The following TRAM2 variants were observed in gnomAD, a reference collection of about 807,000 sequenced individuals.
TRAM2 encodes translocating chain-associated membrane protein 2.
Under a neutral mutation model 51.0 loss-of-function variants are expected in TRAM2, and 12 were observed. The ratio of observed to expected loss-of-function variants is 0.24; its 90% CI spans 0.15 to 0.38. The LOEUF (loss-of-function observed/expected upper bound fraction) is 0.38, where lower values mean the gene tolerates loss of function less well. TRAM2 is among the 10% of genes least tolerant of loss of function. TRAM2 has a pLI of 1.00. For synonymous variants in TRAM2, 175 were observed against 179.4 expected, an observed-to-expected ratio of 0.98 and a Z score of 0.20; for missense variants, 361 against 462.0, an observed-to-expected ratio of 0.78 and a Z score of 2.00.
rs76166033 is a variant in TRAM2, at chr6:52,505,295, A to G, written c.875+304T>C. Among the ~76,000 whole-genome samples the G allele has an allele frequency of 1.1e-3, 160 of 152,332 alleles. 1 individual carries two copies. Among genetic ancestry groups the G allele is most frequent in the African/African-American group, 3.7e-3 (155 of 41,572 alleles). On this transcript the variant is annotated intron_variant, in intron 9 of 10. Coordinates refer to ENST00000182527, the MANE Select transcript of TRAM2 (RefSeq NM_012288.4). The stretch of plus-strand genomic sequence containing the variant: ...GGTTTTAAAGCACCCACACACAAGA[A>G]GAGGAGAATGATATCAACTGAGAGA...
At chr6:52,561,484 T>C (rs1298155973) in intron 1 of TRAM2, among the ~76,000 whole-genome samples, 2 of 131,980 alleles carry the variant, frequency 1.5e-5, no homozygotes, top group African/African-American at 2.6e-5. Flanking sequence ...GGAGTTTCTT[T>C]TTCTTTTTTT....
At chr6:52,563,609 C>T (rs1387054352) in intron 1 of TRAM2, among the ~76,000 whole-genome samples, 4 of 146,812 alleles carry the variant, frequency 2.7e-5, no homozygotes, top group Non-Finnish European at 5.9e-5. Context: ...GTCCCAGCTA[C>T]TCAGGAGGCT....
chr6:52,507,335 C>T (rs1171346213), intron 7 of TRAM2, among the ~76,000 whole-genome samples: 1 of 152,228 alleles, frequency 6.6e-6, no homozygotes, highest in Non-Finnish European at 1.5e-5. Context: ...TCATCACTCT[C>T]AACTGTCCTT....
In TRAM2 at chr6:52,504,644, C is replaced by T. The variant is rs773242168; in HGVS notation, c.986G>A (p.Arg329Gln). The T allele has an allele frequency of 4.5e-5, 72 of 1,613,870 alleles. 2 individuals carry two copies. Among genetic ancestry groups the T allele is most frequent in the South Asian group, 5.5e-5 (5 of 91,074 alleles). Reference protein sequence around the residue: ...REYWNEQSAKRRVPATPRLPA... With the variant: ...REYWNEQSAKQRVPATPRLPA... The stretch of plus-strand genomic sequence containing the variant: ...TAGTCTGGGTGTGGCTGGGACTCTC[C>T]GCTTTGCACTCTGCTCATTCCAGTA... The change falls in exon 10 of 11, where the codon CGG becomes CAG. Residue 329 changes from arginine (R) to glutamine (Q), a missense_variant. Physicochemically the swap from Arg to Gln is conservative, Grantham distance 43. Transcript: ENST00000182527.
chr6:52,503,375 G>A lies in TRAM2; in HGVS notation c.1040-105C>T, dbSNP rs1766277735. 18 of 1,004,402 alleles carry A rather than the reference G, an allele frequency of 1.8e-5. No homozygotes were observed. In the Admixed American group the frequency reaches 3.1e-4, roughly 17 times the overall value. The allele number at this position is 1,004,402 out of a possible 1,614,324, so 62.2% of individuals were successfully genotyped here. On this transcript the variant is annotated intron_variant, in intron 10 of 10. Transcript: ENST00000182527. ...AGGAAGGGGCCCGGGCAGCCCAGCT[G>A]CTATACATGGATGCACCAAAGGGGC...
chr6:52,547,151 T>G (rs928068757), intron 1 of TRAM2, among the ~76,000 whole-genome samples: 1 of 150,692 alleles, frequency 6.6e-6, no homozygotes, highest in African/African-American at 2.4e-5. Flanking sequence ...TAGAGAGGAG[T>G]GGACAGTCAG....
At chr6:52,544,353 C>G (rs1273624116) in intron 1 of TRAM2, among the ~76,000 whole-genome samples, 1 of 152,106 alleles carries the variant, frequency 6.6e-6, no homozygotes, top group Non-Finnish European at 1.5e-5. Context: ...AGTTTCCATA[C>G]TACCCCTACT....
At chr6:52,509,237 G>C (rs1458184159) in intron 5 of TRAM2, among the ~76,000 whole-genome samples, 3 of 152,180 alleles carry the variant, frequency 2.0e-5, no homozygotes, top group African/African-American at 7.2e-5. Context: ...CAAGAAGGTA[G>C]AAACCCAGAG....
chr6:52,570,792 A>G (rs867920266), intron 1 of TRAM2, among the ~76,000 whole-genome samples: 2 of 32,902 alleles, frequency 6.1e-5, no homozygotes, highest in Non-Finnish European at 1.2e-4. Context: ...CTCCCTGCCC[A>G]CCACCCCCCC....
At chr6:52,562,081 C>CA (rs112727282) in intron 1 of TRAM2, among the ~76,000 whole-genome samples, 39,777 of 144,218 alleles carry the variant, frequency 0.28, 7,585 homozygotes, top group African/African-American at 0.52. Context: ...TTTAAAAATG[C>CA]AAAAAAAAAA....
intron 1 of TRAM2, among the ~76,000 whole-genome samples, chr6:52,561,416 G>C (rs1437899188): frequency 6.6e-6 from 1 of 152,026 alleles, no homozygotes; most frequent in Non-Finnish European, 1.5e-5. Context: ...CCAAGTAGCT[G>C]GTACTACAGG....
chr6:52,539,049 G>A (rs189230188), intron 1 of TRAM2, among the ~76,000 whole-genome samples: 4 of 152,224 alleles, frequency 2.6e-5, no homozygotes, highest in South Asian at 2.1e-4. Context: ...GGCCAACAGC[G>A]CCATAACTCA....
At chr6:52,533,302 A>G (rs1285109634) in intron 2 of TRAM2, among the ~76,000 whole-genome samples, 1 of 152,222 alleles carries the variant, frequency 6.6e-6, no homozygotes, top group Non-Finnish European at 1.5e-5. Context: ...AAATCAGTAA[A>G]TCTTGAGTAC....
At chr6:52,557,206 A>G (rs1767426411) in intron 1 of TRAM2, among the ~76,000 whole-genome samples, 1 of 152,044 alleles carries the variant, frequency 6.6e-6, no homozygotes, top group African/African-American at 2.4e-5. Flanking sequence ...AAAAAAAGAT[A>G]TGTCTGGTGA....
At chr6:52,510,884 T>TA (rs1581869815) in intron 4 of TRAM2, among the ~76,000 whole-genome samples, 1 of 152,054 alleles carries the variant, frequency 6.6e-6, no homozygotes, top group East Asian at 1.9e-4. Flanking sequence ...TGGGAAGAAA[T>TA]AATCTACCAC....
At chr6:52,521,538 CAAA>C in intron 2 of TRAM2, among the ~76,000 whole-genome samples, 1 of 149,300 alleles carries the variant, frequency 6.7e-6, no homozygotes, top group Non-Finnish European at 1.5e-5. Flanking sequence ...ACTAAAAATA[CAAA>C]AAAAAATTAG....
chr6:52,546,380 C>T (rs1581695309), intron 1 of TRAM2, among the ~76,000 whole-genome samples: 1 of 152,240 alleles, frequency 6.6e-6, no homozygotes, highest in East Asian at 1.9e-4. Context: ...CAGGGGACAA[C>T]CCAAGGTGAT....
chr6:52,506,088 C>A lies in TRAM2; in HGVS notation c.675G>T (p.Glu225Asp). The A allele has an allele frequency of 6.2e-7, 1 of 1,614,182 alleles. No individual in the cohort carries two copies. Among genetic ancestry groups the A allele is most frequent in the Non-Finnish European group, 8.5e-7 (1 of 1,180,034 alleles). ...LILLLLQYST[E>D]FLFHTARLFY... The stretch of plus-strand genomic sequence containing the variant: ...AGAGTCTAGCCGTGTGGAAGAGGAA[C>A]TCAGTTGAGTACTGCAGCAGCAGCA... The change falls in exon 8 of 11, where the codon GAG (glutamate) becomes GAT (aspartate). Residue 225 changes from glutamate to aspartate, a missense_variant. Coordinates refer to ENST00000182527, the MANE Select transcript of TRAM2 (RefSeq NM_012288.4).
chr6:52,562,143 G>GA (rs1282166978), intron 1 of TRAM2, among the ~76,000 whole-genome samples: 1 of 151,978 alleles, frequency 6.6e-6, no homozygotes, highest in Non-Finnish European at 1.5e-5. Context: ...CTCATGTATT[G>GA]AAAATATATG....
Sources: gnomAD v4.1 joint callset for allele counts (sites outside exome capture counted in the v4.1 genomes callset) on GRCh38, gnomAD v4.1.1 for gene constraint, MANE v1.5 for transcripts, NCBI Gene and HGNC (gene_info 2026-07-23, HGNC 2026-07-21) for gene names.